The following GMDS variants were observed in gnomAD, a reference collection of about 807,000 sequenced individuals.
GMDS encodes GDP-mannose 4,6-dehydratase, also known as GDP-mannose 4,6 dehydratase.
GMDS carries 20 observed loss-of-function variants against 49.9 expected under a neutral mutation model. The ratio of observed to expected loss-of-function variants is 0.40; its 90% CI spans 0.28 to 0.58. The LOEUF is 0.58. Among genes scored for constraint, GMDS ranks in the 20% least tolerant of loss-of-function variants. The pLI is 0.42. For missense variants in GMDS, 362 were observed against 481.4 expected (o/e 0.75, Z 2.32); for synonymous variants, 177 against 178.6 (o/e 0.99, Z 0.07).
At chr6:1,874,444 A>G (rs948316085) in intron 7 of GMDS, among the ~76,000 whole-genome samples, 15 of 152,212 alleles carry the variant, frequency 9.9e-5, no homozygotes, top group Non-Finnish European at 8.8e-5. Flanking sequence ...TTGAAGAACT[A>G]AGTACTACGT....
chr6:1,901,974 A>G (rs1307692795), intron 7 of GMDS, among the ~76,000 whole-genome samples: 1 of 152,246 alleles, frequency 6.6e-6, no homozygotes, highest in Non-Finnish European at 1.5e-5. Context: ...GGTAAAGGAT[A>G]CAGCTTTATT....
chr6:1,996,905 C>T (rs1048027950), intron 4 of GMDS, among the ~76,000 whole-genome samples: 14 of 152,060 alleles, frequency 9.2e-5, no homozygotes, highest in Admixed American at 8.5e-4. Flanking sequence ...TCCATACTAC[C>T]TAAACAGATT....
chr6:1,757,988 T>C (rs1389003649), intron 7 of GMDS, among the ~76,000 whole-genome samples: 1 of 152,248 alleles, frequency 6.6e-6, no homozygotes, highest in Non-Finnish European at 1.5e-5. Context: ...AAGTGTAGCC[T>C]GTCTTTTGTC....
chr6:1,663,577 C>G (rs1459969993), intron 9 of GMDS, among the ~76,000 whole-genome samples: 1 of 152,136 alleles, frequency 6.6e-6, no homozygotes, highest in East Asian at 1.9e-4. Context: ...CCTGGAACCC[C>G]AAACCCTACC....
rs1776594955 is a variant in GMDS at position 2,147,120 on chromosome 6, A to C, written c.103-22389T>G. On this transcript the variant is annotated intron_variant, in intron 1 of 10. Transcript: ENST00000380815. Reference sequence around the variant, plus strand: ...CTTACCCAGTTGATTCTTAAACTCAAGATGTTTATTTTCTTTTACTATTGT... The same window carrying C: ...CTTACCCAGTTGATTCTTAAACTCACGATGTTTATTTTCTTTTACTATTGT... Among the ~76,000 whole-genome samples the C allele has an allele frequency of 2.6e-5, 4 of 152,168 alleles. No individual in the cohort carries two copies. In the South Asian group the frequency reaches 8.3e-4, roughly 32 times the overall value.
At chr6:1,709,653 C>T (rs1485984175) in intron 9 of GMDS, among the ~76,000 whole-genome samples, 3 of 152,194 alleles carry the variant, frequency 2.0e-5, no homozygotes, top group Non-Finnish European at 2.9e-5. Flanking sequence ...GGCCTTGGCT[C>T]CTCTGTTCCC....
chr6:1,733,694 A>G (rs1421675885), intron 8 of GMDS, among the ~76,000 whole-genome samples: 1 of 151,984 alleles, frequency 6.6e-6, no homozygotes, highest in Non-Finnish European at 1.5e-5. Context: ...GTGTGCACCT[A>G]TTGTCCCAGC....
At chr6:1,820,746 A>G (rs1770854338) in intron 7 of GMDS, among the ~76,000 whole-genome samples, 2 of 152,238 alleles carry the variant, frequency 1.3e-5, no homozygotes, top group Non-Finnish European at 2.9e-5. Flanking sequence ...CAAAATTCTA[A>G]TAAGCACTAT....
At chr6:2,087,283 A>G (rs1421795339) in intron 4 of GMDS, among the ~76,000 whole-genome samples, 2 of 152,262 alleles carry the variant, frequency 1.3e-5, no homozygotes, top group Non-Finnish European at 2.9e-5. Flanking sequence ...TTTTATTTGA[A>G]GAAATGATGA....
intron 7 of GMDS, among the ~76,000 whole-genome samples, chr6:1,782,307 T>C (rs1427086457): frequency 1.3e-5 from 2 of 152,230 alleles, no homozygotes; most frequent in East Asian, 3.8e-4. Context: ...GGAGTCACTG[T>C]TTCCAGATGC....
chr6:1,651,688 G>C (rs1446042992), intron 9 of GMDS, among the ~76,000 whole-genome samples: 1 of 152,180 alleles, frequency 6.6e-6, no homozygotes, highest in Non-Finnish European at 1.5e-5. Flanking sequence ...TGACTGTTCA[G>C]TTTTTACCAT....
In GMDS at chr6:1,726,421, C is replaced by T; in HGVS notation, c.982G>A (p.Glu328Lys). 1 of 1,610,170 alleles carries T rather than the reference C, an allele frequency of 6.2e-7. No individual in the cohort carries two copies. The highest frequency in any genetic ancestry group is 8.5e-7 in the Non-Finnish European group (1 of 1,176,330). The change falls in exon 9 of 11, where the codon GAA becomes AAA. Residue 328 changes from glutamate to lysine, a missense_variant. Transcript: ENST00000380815. ...TVDLKYYRPT[E>K]VDFLQGDCTK... ...GGTGGCCAGAGAGTCCTTACCACTT[C>T]AGTTGGCCGGTAGTACTTGAGATCC...
At chr6:1,978,081 C>T (rs777125830) in intron 4 of GMDS, among the ~76,000 whole-genome samples, 6 of 152,270 alleles carry the variant, frequency 3.9e-5, no homozygotes, top group South Asian at 2.1e-4. Context: ...TGAGACCAGA[C>T]GGAGCCCACG....
chr6:1,952,824 A>G (rs1221799754), intron 6 of GMDS, among the ~76,000 whole-genome samples: 1 of 152,114 alleles, frequency 6.6e-6, no homozygotes, highest in African/African-American at 2.4e-5. Flanking sequence ...CTGAGAGAAG[A>G]AAGAGTGGGA....
At chr6:1,942,142 T>C (rs777712750) in intron 6 of GMDS, among the ~76,000 whole-genome samples, 9 of 152,292 alleles carry the variant, frequency 5.9e-5, no homozygotes, top group Admixed American at 3.3e-4. Context: ...CGCTTCTCCT[T>C]TTACCCCAAG....
chr6:1,725,754 C>T (rs1381242047), intron 9 of GMDS, among the ~76,000 whole-genome samples: 1 of 152,144 alleles, frequency 6.6e-6, no homozygotes, highest in Non-Finnish European at 1.5e-5. Flanking sequence ...TTAAAAGTCC[C>T]TATTCTCAAA....
chr6:2,078,421 T>C lies in GMDS; in HGVS notation c.345+37350A>G, dbSNP rs150404472. On this transcript the variant is annotated intron_variant, in intron 4 of 10. Coordinates refer to ENST00000380815, the MANE Select transcript of GMDS (RefSeq NM_001500.4). ...GGCATTTATTGCTATAAACTTCATG[T>C]TAGTACTGCTTTTGCTGTATCCCAC... Among the ~76,000 whole-genome samples, 739 of 152,258 alleles carry C rather than the reference T, an allele frequency of 4.9e-3. 8 individuals are homozygous for C. Among genetic ancestry groups the C allele is most frequent in the African/African-American group, 0.017 (701 of 41,578 alleles).
intron 7 of GMDS, among the ~76,000 whole-genome samples, chr6:1,747,464 ACACACACACGCTCATGCGTGTGCGCG>A (rs201138754): frequency 0.53 from 35,034 of 66,130 alleles, 4,092 homozygotes; most frequent in East Asian, 0.57. Flanking sequence ...AAAACTACAC[ACACACACACGCTCATGCGTGTGCGCG>A]CACACACACA....
chr6:1,826,982 A>G (rs928352468), intron 7 of GMDS, among the ~76,000 whole-genome samples: 2 of 151,932 alleles, frequency 1.3e-5, no homozygotes, highest in Non-Finnish European at 2.9e-5. Context: ...CAGAAAGATC[A>G]CCTGAGCGTA....
Sources: gnomAD v4.1 joint callset for allele counts (sites outside exome capture counted in the v4.1 genomes callset) on GRCh38, gnomAD v4.1.1 for gene constraint, MANE v1.5 for transcripts, NCBI Gene and HGNC (gene_info 2026-07-23, HGNC 2026-07-21) for gene names.